The following TRIP11 variants were observed in gnomAD, a reference collection of about 807,000 sequenced individuals.
TRIP11 encodes the protein thyroid receptor-interacting protein 11.
In TRIP11, 148 loss-of-function variants were observed where a neutral mutation model predicts 223.1. That is an observed-to-expected ratio of 0.66 (90% CI 0.58 to 0.76). The LOEUF (loss-of-function observed/expected upper bound fraction) is 0.76. Ranked by LOEUF, TRIP11 falls within the 30% of genes least tolerant of loss-of-function variation. The pLI is 0.00. For missense variants in TRIP11, 2,043 were observed against 2,222.0 expected, an observed-to-expected ratio of 0.92 and a Z score of 1.62; for synonymous variants, 762 against 772.6, an observed-to-expected ratio of 0.99 and a Z score of 0.23.
At chr14:91,986,888 C>G (rs1188868439) in intron 16 of TRIP11, among the ~76,000 whole-genome samples, 1 of 152,092 alleles carries the variant, frequency 6.6e-6, no homozygotes, top group Non-Finnish European at 1.5e-5. Context: ...AAGATGCTAC[C>G]ATATTTTCAG....
chr14:91,974,434 T>C (rs1333777050), intron 19 of TRIP11, among the ~76,000 whole-genome samples, 193 bp downstream of exon 19: 1 of 152,186 alleles, frequency 6.6e-6, no homozygotes, highest in Non-Finnish European at 1.5e-5. Context: ...AAATAAAACC[T>C]ATATGCAATA....
Position 91,970,069 on chromosome 14 carries a change from T to C in TRIP11, c.5720-176A>G, listed in dbSNP as rs57710923. ...CTTAAAAATTCTCCCTTGACGGTAA[T>C]AACACTGGCATCCAGCACATCTTTT... On this transcript the variant is annotated intron_variant, in intron 20 of 20. Coordinates refer to ENST00000267622, the MANE Select transcript of TRIP11 (RefSeq NM_004239.4). Among the ~76,000 whole-genome samples, 3,645 of 152,258 alleles carry C rather than the reference T, an allele frequency of 0.024. 138 individuals carry two copies. The highest frequency in any genetic ancestry group is 0.074 in the African/African-American group (3,091 of 41,540).
chr14:92,016,616 T>C (rs886810038), intron 5 of TRIP11, among the ~76,000 whole-genome samples: 2 of 152,144 alleles, frequency 1.3e-5, no homozygotes, highest in Non-Finnish European at 2.9e-5. Context: ...GAAAAATTGA[T>C]GCTCTTATGG....
At position 92,000,090 on chromosome 14, in the gene TRIP11, T is replaced by C; in HGVS notation, c.4576A>G (p.Asn1526Asp). Reference protein sequence around the residue: ...EKEQGKTGELNQLLNAVKSMQ... With the variant: ...EKEQGKTGELDQLLNAVKSMQ... ...GATTTAACTGCATTTAAAAGCTGAT[T>C]TAACTCTCCAGTCTTGCCCTTTTGG... The change falls in exon 12 of 21, where the codon AAT becomes GAT. Residue 1526 changes from asparagine (N) to aspartate (D), a missense_variant. Coordinates refer to ENST00000267622, the MANE Select transcript of TRIP11 (RefSeq NM_004239.4). The C allele has an allele frequency of 6.2e-7, 1 of 1,613,952 alleles. No individual in the cohort carries two copies. The highest frequency in any genetic ancestry group is 8.5e-7 in the Non-Finnish European group (1 of 1,179,956).
rs1351868187 is a variant in TRIP11 at position 91,995,652 on chromosome 14, G to C, written c.4893-137C>G. 5.9e-5 allele frequency: 51 copies of C among 868,150 alleles called. 1 individual carries two copies. The highest frequency in any genetic ancestry group is 8.4e-5 in the Non-Finnish European group (51 of 606,774). 53.8% of individuals were successfully genotyped at this position (868,150 alleles called of 1,614,324 possible). A position where few individuals can be genotyped will look rare whatever the true frequency, so the allele number is the denominator to read the frequency against. On this transcript the variant is annotated intron_variant, in intron 13 of 20. Coordinates refer to ENST00000267622, the MANE Select transcript of TRIP11 (RefSeq NM_004239.4). ...TTTTTTTGAGACAGAGTCTCGCTCT[G>C]TCACCCAGGCTGGAGTGCAGTGGCA...
chr14:91,983,309 C>A (rs2056566655), intron 16 of TRIP11, among the ~76,000 whole-genome samples: 1 of 152,156 alleles, frequency 6.6e-6, no homozygotes, highest in Non-Finnish European at 1.5e-5. Context: ...AGCAAATAAA[C>A]AATGAATATT....
At chr14:92,028,546 C>A (rs1465685608) in intron 2 of TRIP11, among the ~76,000 whole-genome samples, 1 of 152,044 alleles carries the variant, frequency 6.6e-6, no homozygotes, top group Non-Finnish European at 1.5e-5. Flanking sequence ...AGAGCAAGAC[C>A]CTGTCTCAAA....
chr14:92,039,443 T>G (rs2057359175), intron 1 of TRIP11, 104 bp downstream of exon 1: 1 of 1,274,000 alleles, frequency 7.8e-7, no homozygotes, highest in African/African-American at 1.5e-5. Flanking sequence ...AGGAGCAGCA[T>G]TCCTTTGCGA....
chr14:91,983,790 G>A (rs926298538), intron 16 of TRIP11, among the ~76,000 whole-genome samples: 1 of 152,030 alleles, frequency 6.6e-6, no homozygotes, highest in Non-Finnish European at 1.5e-5. Flanking sequence ...AAAGCGTCTG[G>A]GAATGTATTT....
chr14:91,992,954 TA>T (rs2056697542), intron 15 of TRIP11, among the ~76,000 whole-genome samples: 1 of 131,102 alleles, frequency 7.6e-6, no homozygotes, highest in Non-Finnish European at 1.6e-5. Flanking sequence ...AAGTTTCTCC[TA>T]AATCTAAAAG....
chr14:91,993,158 T>C (rs940792533), intron 15 of TRIP11, among the ~76,000 whole-genome samples: 24 of 151,178 alleles, frequency 1.6e-4, no homozygotes, highest in Admixed American at 1.1e-3. Context: ...CTCACAGAGG[T>C]ACAAATTTAA....
rs1595367869 is a variant in TRIP11 at position 91,978,875 on chromosome 14, T to G, written c.5261-2686A>C. Among the ~76,000 whole-genome samples the G allele has an allele frequency of 6.6e-6, 1 of 152,188 alleles. No individual in the cohort carries two copies. The highest frequency in any genetic ancestry group is 1.5e-5 in the Non-Finnish European group (1 of 68,042). ...AACATGGCCACTAAAAAATTTAAAA[T>G]TGCACGTGGCTCACAGTATATTCCT... On this transcript the variant is annotated intron_variant, in intron 16 of 20. Coordinates refer to ENST00000267622, the MANE Select transcript of TRIP11 (RefSeq NM_004239.4). This position sits in a 1 kb window ranked among gnomAD's most constrained non-coding sequence, Gnocchi z 4.4.
At chr14:92,017,838 T>C in intron 4 of TRIP11, 88 bp from the exon 5 acceptor site, 7 of 1,189,112 alleles carry the variant, frequency 5.9e-6, no homozygotes, top group Non-Finnish European at 8.5e-6. Context: ...CAAGAATACT[T>C]TTGTAAAAAG....
At chr14:92,026,768 A>C (rs2057193592) in intron 2 of TRIP11, 1 of 1,176,180 alleles carries the variant, frequency 8.5e-7, no homozygotes, top group Non-Finnish European at 1.3e-6. Context: ...GGTGAGGGTG[A>C]GGAAGAAGGA....
Position 92,004,937 on chromosome 14 carries a change from T to G in TRIP11, c.3039A>C (p.Leu1013Phe), listed in dbSNP as rs1425069965. Reference protein sequence around the residue: ...NIENGSEKHDLSKAETERLVK... With the variant: ...NIENGSEKHDFSKAETERLVK... The stretch of plus-strand genomic sequence containing the variant: ...CTAATCTTTCCGTTTCAGCTTTAGA[T>G]AAATCATGCTTTTCACTTCCATTTT... Residue 1013 changes from leucine (L) to phenylalanine (F), a missense_variant, in exon 11 of 21, where the codon TTA becomes TTC. Leu to Phe is a conservative substitution (Grantham distance 22). Coordinates refer to ENST00000267622, the MANE Select transcript of TRIP11 (RefSeq NM_004239.4). The G allele has an allele frequency of 1.9e-6, 3 of 1,613,858 alleles. No homozygotes were observed. The Admixed American group carries it at 5.0e-5, about 27-fold the overall frequency.
Position 91,967,779 on chromosome 14 carries a change from G to T in TRIP11, c.*1894C>A. 1 of 194,646 alleles carries T rather than the reference G, an allele frequency of 5.1e-6. No homozygotes were observed. 12.1% of individuals were successfully genotyped at this position (194,646 alleles called of 1,614,324 possible). A position where few individuals can be genotyped will look rare whatever the true frequency, so the allele number is the denominator to read the frequency against. On this transcript the variant is annotated 3_prime_UTR_variant, in exon 21 of 21. Transcript: ENST00000267622. ...GTATTTCATTTCTCCACACTGAAAT[G>T]AAATTTCAATGGCAAGCAGCAAATA...
Position 91,969,647 on chromosome 14 carries a change from TAG to T in TRIP11, c.*24_*25del. 1 of 1,609,106 alleles carries T rather than the reference TAG, an allele frequency of 6.2e-7. No individual in the cohort carries two copies. Among genetic ancestry groups the T allele is most frequent in the Non-Finnish European group, 8.5e-7 (1 of 1,177,124 alleles). ...AGTGTTCATGGTTTCTTTAAAGTGCTAGATTGTCTCTGGCTTGAGAATCATCT... is the reference window on the plus strand; with the variant it reads ...AGTGTTCATGGTTTCTTTAAAGTGCTATTGTCTCTGGCTTGAGAATCATCT... On this transcript the variant is annotated 3_prime_UTR_variant, in exon 21 of 21. Coordinates refer to ENST00000267622, the MANE Select transcript of TRIP11 (RefSeq NM_004239.4).
Position 92,011,000 on chromosome 14 carries a change from G to A in TRIP11, c.1300C>T (p.Leu434=). The A allele has an allele frequency of 6.2e-7, 1 of 1,613,840 alleles. No homozygotes were observed. The highest frequency in any genetic ancestry group is 8.5e-7 in the Non-Finnish European group (1 of 1,179,946). ...IEVLEKEKSL[L]SQEKEELQMS... ...ACAGCACCCACCTTTTCTTGACTCAGTAATGACTTCTCTTTTTCTAAAACT... is the reference window on the plus strand; with the variant it reads ...ACAGCACCCACCTTTTCTTGACTCAATAATGACTTCTCTTTTTCTAAAACT... Residue 434 remains leucine, a synonymous_variant, in exon 9 of 21, where the codon CTG becomes TTG. Transcript: ENST00000267622.
chr14:92,013,442 C>T (rs975459620), intron 7 of TRIP11, among the ~76,000 whole-genome samples: 3 of 152,162 alleles, frequency 2.0e-5, no homozygotes, highest in African/African-American at 7.2e-5. Context: ...GTTAACCTGT[C>T]CAAGGTCAGC....
Sources: allele counts gnomAD v4.1 joint callset (sites outside exome capture counted in the v4.1 genomes callset), GRCh38; gene constraint gnomAD v4.1.1; non-coding constraint Gnocchi (gnomAD v3.1); transcripts MANE v1.5; gene names NCBI Gene and HGNC (gene_info 2026-07-23, HGNC 2026-07-21).